The following RNF125 variants were observed in gnomAD, a reference collection of about 807,000 sequenced individuals.
The protein encoded by RNF125 is ring finger protein 125.
RNF125 carries 21 observed loss-of-function variants against 26.0 expected under a neutral mutation model. The ratio of observed to expected loss-of-function variants is 0.81; its 90% CI spans 0.57 to 1.16. RNF125 has a LOEUF of 1.16. Among genes scored for constraint, RNF125 ranks in the 50% most tolerant of loss-of-function variants. The probability of loss-of-function intolerance (pLI) is 0.00; values close to 1 mark genes in which losing one functional copy is unlikely to be tolerated. For synonymous variants in RNF125, 95 were observed against 109.2 expected (o/e 0.87, Z 0.81); for missense variants, 270 against 299.4 (o/e 0.90, Z 0.72).
At chr18:32,054,763 A>G (rs77428981) in intron 4 of RNF125, among the ~76,000 whole-genome samples, 2,098 of 152,282 alleles carry the variant, frequency 0.014, 46 homozygotes, top group African/African-American at 0.046. Context: ...TCTTTTTCCC[A>G]AAAAGGAATT....
chr18:32,050,902 A>G (rs1436384371), intron 4 of RNF125, among the ~76,000 whole-genome samples: 1 of 58,272 alleles, frequency 1.7e-5, no homozygotes, highest in Admixed American at 2.6e-4. Context: ...TTTTTTTTGA[A>G]GAGACGGTGT....
intron 4 of RNF125, among the ~76,000 whole-genome samples, chr18:32,053,629 T>A (rs60933882): frequency 0.091 from 13,813 of 151,494 alleles, 2,033 homozygotes; most frequent in African/African-American, 0.31. Context: ...CTAGAAAAAA[T>A]TTTTAAAAAT....
At position 32,057,968 on chromosome 18, in the gene RNF125, C is replaced by A. The variant is rs144835713; in HGVS notation, c.505-7934C>A. Among the ~76,000 whole-genome samples the A allele has an allele frequency of 6.9e-3, 1,050 of 151,964 alleles. 16 individuals carry two copies. Among genetic ancestry groups the A allele is most frequent in the African/African-American group, 0.024 (998 of 41,464 alleles). ...ACCCCACGCTGAGAACCATTGCTTC[C>A]TTTAAAGCGCTAAAGTGGCCAGGCA... On this transcript the variant is annotated intron_variant, in intron 4 of 5. Coordinates refer to ENST00000217740, the MANE Select transcript of RNF125 (RefSeq NM_017831.4).
chr18:32,078,412 A>C, the RNF125 span, among the ~76,000 whole-genome samples: 8 of 128,824 alleles, frequency 6.2e-5, no homozygotes, highest in Non-Finnish European at 1.1e-4. Flanking sequence ...TGTCACTGTC[A>C]TTAGATAGGT....
chr18:32,037,281 A>T lies in RNF125; in HGVS notation c.318+12A>T, dbSNP rs2039166298. ...AGTGTGACACCCTGGTATGTATGTG[A>T]CCCCACCTATTTTCATGGTTACCAG... On this transcript the variant is annotated intron_variant, in intron 2 of 5. Transcript: ENST00000217740. The T allele has an allele frequency of 6.6e-7, 1 of 1,515,120 alleles. No individual in the cohort carries two copies. Among genetic ancestry groups the T allele is most frequent in the Admixed American group, 2.4e-5 (1 of 42,158 alleles). The allele number at this position is 1,515,120 out of a possible 1,614,324, so 93.9% of individuals were successfully genotyped here.
intron 2 of RNF125, among the ~76,000 whole-genome samples, chr18:32,038,043 A>ATTTTTTTTT (rs35226765): frequency 1.9e-5 from 2 of 103,396 alleles, no homozygotes. Flanking sequence ...GGTCCGTGCC[A>ATTTTTTTTT]TTTTTTTTTT....
the RNF125 span, among the ~76,000 whole-genome samples, chr18:32,078,649 A>G: frequency 6.6e-6 from 1 of 152,152 alleles, no homozygotes; most frequent in Admixed American, 6.5e-5. Context: ...CTAAAAAAAA[A>G]AGAAAAGAAA....
At chr18:32,019,700 G>C (rs1170058121) in intron 1 of RNF125, among the ~76,000 whole-genome samples, 1 of 152,130 alleles carries the variant, frequency 6.6e-6, no homozygotes, top group African/African-American at 2.4e-5. Context: ...AACCTGCTAG[G>C]GTGGGGCTTG....
chr18:32,083,355 A>G, the RNF125 span, among the ~76,000 whole-genome samples: 5 of 152,170 alleles, frequency 3.3e-5, no homozygotes, highest in Non-Finnish European at 7.3e-5. Context: ...GCTAGAAGGG[A>G]CTTTGGATTA....
intron 4 of RNF125, among the ~76,000 whole-genome samples, chr18:32,053,057 TTATAGTAGAAA>T: frequency 6.6e-6 from 1 of 152,234 alleles, no homozygotes; most frequent in Non-Finnish European, 1.5e-5. Flanking sequence ...AATTCAAGTT[TTATAGTAGAAA>T]ATAGATGTCA....
intron 4 of RNF125, among the ~76,000 whole-genome samples, chr18:32,053,631 T>C (rs2039350551): frequency 6.8e-6 from 1 of 146,808 alleles, no homozygotes; most frequent in Non-Finnish European, 1.5e-5. Context: ...AGAAAAAATT[T>C]TTAAAAATTA....
rs543201004 is a variant in RNF125, at chr18:32,069,344, A to T, written c.*960A>T. On this transcript the variant is annotated 3_prime_UTR_variant, in exon 6 of 6. Transcript: ENST00000217740. Reference sequence around the variant, plus strand: ...AGAATTCAATATTTTTCAAATATTTATAGCTTATTTAGAAATATTTCTATA... The same window carrying T: ...AGAATTCAATATTTTTCAAATATTTTTAGCTTATTTAGAAATATTTCTATA... The T allele has an allele frequency of 2.0e-5, 3 of 152,308 alleles. No individual in the cohort carries two copies. The highest frequency in any genetic ancestry group is 7.2e-5 in the African/African-American group (3 of 41,554). 9.4% of individuals were successfully genotyped at this position (152,308 alleles called of 1,614,324 possible).
At chr18:32,058,772 T>C (rs942552692) in intron 4 of RNF125, among the ~76,000 whole-genome samples, 1 of 152,126 alleles carries the variant, frequency 6.6e-6, no homozygotes, top group African/African-American at 2.4e-5. Context: ...CTTCCCCCAA[T>C]CCCCACTACC....
At chr18:32,085,115 T>C in the RNF125 span, among the ~76,000 whole-genome samples, 1 of 152,154 alleles carries the variant, frequency 6.6e-6, no homozygotes, top group Non-Finnish European at 1.5e-5. Context: ...CCTCTCCTTC[T>C]GAACTGTTGA....
the RNF125 span, among the ~76,000 whole-genome samples, chr18:32,085,417 A>AGAGAGAGAGAGAGAGAGAG: frequency 2.0e-5 from 2 of 101,638 alleles, no homozygotes; most frequent in African/African-American, 8.2e-5. Flanking sequence ...GAGAGAGAGA[A>AGAGAGAGAGAGAGAGAGAG]AGCTGGGTGA....
chr18:32,032,791 A>G (rs2039111320), intron 1 of RNF125, among the ~76,000 whole-genome samples: 1 of 152,070 alleles, frequency 6.6e-6, no homozygotes, highest in Non-Finnish European at 1.5e-5. Context: ...CCTGGGAGGC[A>G]GAAGTTGCAG....
At chr18:32,028,241 T>C (rs2039056221) in intron 1 of RNF125, among the ~76,000 whole-genome samples, 1 of 135,932 alleles carries the variant, frequency 7.4e-6, no homozygotes, top group Non-Finnish European at 1.5e-5. Flanking sequence ...GAGCTTGCAG[T>C]GAGCCGAGAT....
chr18:32,028,323 A>AT (rs1298032019), intron 1 of RNF125, among the ~76,000 whole-genome samples: 4 of 137,430 alleles, frequency 2.9e-5, no homozygotes, highest in African/African-American at 1.2e-4. Flanking sequence ...AAAAAAAAAA[A>AT]AATAATAGGT....
At chr18:32,036,354 A>G (rs943959726) in intron 1 of RNF125, among the ~76,000 whole-genome samples, 1 of 151,788 alleles carries the variant, frequency 6.6e-6, no homozygotes, top group East Asian at 1.9e-4. Flanking sequence ...ATACTCCCAA[A>G]TAGATATTAT....
Sources: allele counts gnomAD v4.1 joint callset (sites outside exome capture counted in the v4.1 genomes callset), GRCh38; gene constraint gnomAD v4.1.1; transcripts MANE v1.5; gene names NCBI Gene and HGNC (gene_info 2026-07-23, HGNC 2026-07-21).